JARID2: variants seen among roughly 807,000 people sequenced by gnomAD.
JARID2 encodes the protein protein Jumonji.
JARID2 carries 21 observed loss-of-function variants against 125.6 expected under a neutral mutation model. The ratio of observed to expected loss-of-function variants is 0.17; its 90% CI spans 0.12 to 0.24. The LOEUF is 0.24. JARID2 is among the 10% of genes least tolerant of loss of function. The pLI, the probability that JARID2 is intolerant of heterozygous loss-of-function variation, is 1.00. For missense variants in JARID2, 1,303 were observed against 1,639.6 expected, an observed-to-expected ratio of 0.79 and a Z score of 3.55; for synonymous variants, 736 against 661.6, an observed-to-expected ratio of 1.11 and a Z score of -1.73.
intron 3 of JARID2, among the ~76,000 whole-genome samples, chr6:15,444,635 C>G (rs1429389310): frequency 6.7e-6 from 1 of 150,204 alleles, no homozygotes; most frequent in Non-Finnish European, 1.5e-5. Context: ...TTTGAATAGG[C>G]CTTTCAGCAA....
chr6:15,248,038 T>A, intron 1 of JARID2: 14 of 985,244 alleles, frequency 1.4e-5, no homozygotes, highest in Non-Finnish European at 1.7e-5. Flanking sequence ...CCGGACCTCG[T>A]TGAGGTGGAG....
chr6:15,420,856 A>G (rs1457238979), intron 3 of JARID2, among the ~76,000 whole-genome samples: 2 of 152,194 alleles, frequency 1.3e-5, no homozygotes, highest in Non-Finnish European at 2.9e-5. Flanking sequence ...CCTATGGATT[A>G]TGTTTACCAT....
intron 17 of JARID2, among the ~76,000 whole-genome samples, chr6:15,519,426 T>A (rs983009378): frequency 2.0e-5 from 3 of 152,128 alleles, no homozygotes; most frequent in Non-Finnish European, 4.4e-5. Flanking sequence ...GATGTTTCAT[T>A]CCATGGCTGG....
chr6:15,360,034 A>C (rs955130515), intron 1 of JARID2, among the ~76,000 whole-genome samples: 1 of 151,630 alleles, frequency 6.6e-6, no homozygotes, highest in Non-Finnish European at 1.5e-5. Context: ...CAAAACCAAA[A>C]CCTCATCTCT....
At chr6:15,456,646 A>G (rs1005481303) in intron 4 of JARID2, among the ~76,000 whole-genome samples, 2 of 151,912 alleles carry the variant, frequency 1.3e-5, no homozygotes, top group Non-Finnish European at 1.5e-5. Context: ...ACAAACCCCA[A>G]ATGACAGATG....
At chr6:15,425,144 A>G (rs920479842) in intron 3 of JARID2, among the ~76,000 whole-genome samples, 2 of 152,224 alleles carry the variant, frequency 1.3e-5, no homozygotes, top group African/African-American at 4.8e-5. Flanking sequence ...AAGAGCCATC[A>G]TAATGTACTG....
At chr6:15,384,281 C>T (rs768254404) in intron 2 of JARID2, among the ~76,000 whole-genome samples, 21 of 151,930 alleles carry the variant, frequency 1.4e-4, no homozygotes, top group Non-Finnish European at 2.6e-4. Context: ...GAGATGGGGT[C>T]TCCCTGTGTT....
At chr6:15,382,911 C>T (rs1056015841) in intron 2 of JARID2, among the ~76,000 whole-genome samples, 2 of 152,172 alleles carry the variant, frequency 1.3e-5, no homozygotes, top group African/African-American at 4.8e-5. Context: ...CTGATTACAT[C>T]ATCATTCCCA....
intron 1 of JARID2, among the ~76,000 whole-genome samples, chr6:15,256,498 A>G (rs73359692): frequency 0.16 from 23,753 of 152,190 alleles, 2,698 homozygotes; most frequent in African/African-American, 0.32. Flanking sequence ...TGTGAACACA[A>G]TTCTTTAGTG....
At position 15,501,385 on chromosome 6, in the gene JARID2, T is replaced by G. The variant is rs748370376; in HGVS notation, c.2424T>G (p.Asn808Lys). ...AGGAGGAGGACAAAGGCGTCCTCAA[T>G]GACTTCCACAAGTGCATCTATAAGG... ...KEEEEDKGVL[N>K]DFHKCIYKGR... is the part of the protein sequence containing the mutation. Residue 808 changes from asparagine to lysine, a missense_variant, in exon 8 of 18, where the codon AAT (asparagine) becomes AAG (lysine). Transcript: ENST00000341776. 15 of 1,553,504 alleles carry G rather than the reference T, an allele frequency of 9.7e-6. No individual in the cohort carries two copies. In the South Asian group the frequency reaches 1.6e-4, roughly 16 times the overall value.
At chr6:15,367,073 C>T (rs769955222) in intron 1 of JARID2, among the ~76,000 whole-genome samples, 4 of 152,068 alleles carry the variant, frequency 2.6e-5, no homozygotes, top group Non-Finnish European at 4.4e-5. Context: ...CCAGTTTCCA[C>T]GAGGTATTTC....
intron 2 of JARID2, among the ~76,000 whole-genome samples, chr6:15,387,577 A>C (rs1385792983): frequency 1.3e-5 from 2 of 152,186 alleles, no homozygotes; most frequent in Non-Finnish European, 2.9e-5. Context: ...CTTCAACAGA[A>C]GACTTTGTGG....
At chr6:15,405,088 A>G (rs1765594914) in intron 2 of JARID2, among the ~76,000 whole-genome samples, 1 of 152,174 alleles carries the variant, frequency 6.6e-6, no homozygotes, top group African/African-American at 2.4e-5. Flanking sequence ...AGCTAAAGGA[A>G]TCTTTGGCCT....
At chr6:15,456,116 T>G (rs1167260977) in intron 4 of JARID2, among the ~76,000 whole-genome samples, 1 of 152,246 alleles carries the variant, frequency 6.6e-6, no homozygotes, top group African/African-American at 2.4e-5. Context: ...TCAGTGATTC[T>G]GTGTAGAGAG....
chr6:15,436,044 G>A (rs1767187330), intron 3 of JARID2, among the ~76,000 whole-genome samples: 1 of 152,120 alleles, frequency 6.6e-6, no homozygotes, highest in South Asian at 2.1e-4. Flanking sequence ...AGGTTGTAGG[G>A]CTGCAACCCC....
chr6:15,434,687 A>G (rs1320345827), intron 3 of JARID2, among the ~76,000 whole-genome samples: 1 of 152,244 alleles, frequency 6.6e-6, no homozygotes, highest in Non-Finnish European at 1.5e-5. Flanking sequence ...ATAGTTGCCT[A>G]ATCCTACTCA....
intron 3 of JARID2, among the ~76,000 whole-genome samples, chr6:15,429,171 C>T (rs1021966314): frequency 3.3e-5 from 5 of 152,018 alleles, no homozygotes; most frequent in Non-Finnish European, 7.4e-5. Flanking sequence ...GGCAGAGTAT[C>T]TGCTGTGGAA....
In JARID2 at chr6:15,519,399, T is replaced by G. The variant is rs1023858436; in HGVS notation, c.3559-670T>G. ...TCATCTTGAGGGCTTTTCAGAGGACTAGAGATCAGGCCCTCAGATGTTTCA... is the reference window on the plus strand; with the variant it reads ...TCATCTTGAGGGCTTTTCAGAGGACGAGAGATCAGGCCCTCAGATGTTTCA... On this transcript the variant is annotated intron_variant, in intron 17 of 17. Coordinates refer to ENST00000341776, the MANE Select transcript of JARID2 (RefSeq NM_004973.4). Among the ~76,000 whole-genome samples the G allele has an allele frequency of 4.6e-5, 7 of 152,130 alleles. No individual in the cohort carries two copies. The East Asian group carries it at 1.3e-3, about 29-fold the overall frequency.
chr6:15,389,371 C>CAA (rs1764915276), intron 2 of JARID2, among the ~76,000 whole-genome samples: 1 of 152,158 alleles, frequency 6.6e-6, no homozygotes, highest in South Asian at 2.1e-4. Context: ...ATTGCCCAGG[C>CAA]TGGAACACTG....
Sources: gnomAD v4.1 joint callset for allele counts (sites outside exome capture counted in the v4.1 genomes callset) on GRCh38, gnomAD v4.1.1 for gene constraint, MANE v1.5 for transcripts, NCBI Gene and HGNC (gene_info 2026-07-23, HGNC 2026-07-21) for gene names.